Variants in DSCAM observed in about 807,000 individuals in gnomAD.
DSCAM encodes cell adhesion molecule DSCAM.
In DSCAM, 47 loss-of-function variants were observed where a neutral mutation model predicts 217.7. That is an observed-to-expected ratio of 0.22 (90% CI 0.17 to 0.28). The LOEUF is 0.28. DSCAM is among the 10% of genes least tolerant of loss of function. The pLI, the probability that DSCAM is intolerant of heterozygous loss-of-function variation, is 1.00. For synonymous variants in DSCAM, 1,056 were observed against 1,015.3 expected (o/e 1.04, Z -0.76); for missense variants, 2,080 against 2,618.3 (o/e 0.79, Z 4.49).
intron 20 of DSCAM, among the ~76,000 whole-genome samples, chr21:40,103,153 T>A (rs2146614735): frequency 6.6e-6 from 1 of 152,366 alleles, no homozygotes; most frequent in East Asian, 1.9e-4. Flanking sequence ...GTCAAACTAT[T>A]CAGCCTGTCT....
chr21:40,011,585 CAGCCAGGGGAGG>C lies in DSCAM; in HGVS notation c.*1437_*1448del, dbSNP rs2088056501. ...GAAGTGAGCCTGGAATGGAGTGTTG[CAGCCAGGGGAGG>C]ATTACATCCTCTTTCATAAAGCAAA... On this transcript the variant is annotated 3_prime_UTR_variant, in exon 33 of 33. Coordinates refer to ENST00000400454, the MANE Select transcript of DSCAM (RefSeq NM_001389.5). 1 of 149,320 alleles carries C rather than the reference CAGCCAGGGGAGG, an allele frequency of 6.7e-6. No individual in the cohort carries two copies. Among genetic ancestry groups the C allele is most frequent in the South Asian group, 2.2e-4 (1 of 4,614 alleles). The allele number at this position is 149,320 out of a possible 1,614,324, so 9.2% of individuals were successfully genotyped here.
At chr21:40,284,534 A>G (rs1287062913) in intron 10 of DSCAM, among the ~76,000 whole-genome samples, 2 of 152,222 alleles carry the variant, frequency 1.3e-5, no homozygotes, top group African/African-American at 4.8e-5. Flanking sequence ...ACAATTTTGT[A>G]GGTGCAAGGG....
At chr21:40,416,073 C>T (rs573979607) in intron 3 of DSCAM, among the ~76,000 whole-genome samples, 1 of 152,272 alleles carries the variant, frequency 6.6e-6, no homozygotes, top group Non-Finnish European at 1.5e-5. Flanking sequence ...AATAAAATGA[C>T]CTGCACACTT....
chr21:40,078,571 G>A (rs1475934080), intron 26 of DSCAM, 116 bp downstream of exon 26: 3 of 1,361,892 alleles, frequency 2.2e-6, no homozygotes, highest in South Asian at 1.5e-5. Flanking sequence ...AGCCTAATGG[G>A]CTCCGTGGGC....
chr21:40,294,067 T>A (rs2073926737), intron 10 of DSCAM, among the ~76,000 whole-genome samples: 2 of 152,216 alleles, frequency 1.3e-5, no homozygotes, highest in Admixed American at 6.5e-5. Context: ...TTTAACTTTT[T>A]AAAAAATTGC....
At chr21:40,531,154 G>C (rs1568882475) in intron 3 of DSCAM, among the ~76,000 whole-genome samples, 1 of 152,150 alleles carries the variant, frequency 6.6e-6, no homozygotes, top group Non-Finnish European at 1.5e-5. Flanking sequence ...AACACCAGCA[G>C]AGCCAAAACC....
intron 10 of DSCAM, among the ~76,000 whole-genome samples, chr21:40,278,832 G>C (rs1190669928): frequency 6.6e-6 from 1 of 152,120 alleles, no homozygotes; most frequent in Non-Finnish European, 1.5e-5. Flanking sequence ...ATAAATGTTG[G>C]TGATCATTAT....
chr21:40,593,978 G>A lies in DSCAM; in HGVS notation c.508+98832C>T, dbSNP rs1014677148. On this transcript the variant is annotated intron_variant, in intron 3 of 32. Transcript: ENST00000400454. The stretch of plus-strand genomic sequence containing the variant: ...TTAAATAGCATATTTTGTTGTTGTT[G>A]TTTTCGTTTATGCTTTTTCAGAAAG... Among the ~76,000 whole-genome samples, 105 of 152,088 alleles carry A rather than the reference G, an allele frequency of 6.9e-4. 1 individual carries two copies. The highest frequency in any genetic ancestry group is 2.3e-3 in the African/African-American group (97 of 41,402).
intron 11 of DSCAM, among the ~76,000 whole-genome samples, chr21:40,254,810 C>A (rs577900867): frequency 3.9e-4 from 59 of 152,206 alleles, no homozygotes; most frequent in African/African-American, 1.3e-3. Context: ...CAGAAGCCAG[C>A]CTAAGACAAT....
intron 20 of DSCAM, among the ~76,000 whole-genome samples, chr21:40,107,807 G>C (rs914114218): frequency 2.6e-5 from 4 of 151,970 alleles, no homozygotes; most frequent in Admixed American, 2.6e-4. Context: ...TTTGTTCTTT[G>C]TTGGTTTAAA....
At chr21:40,833,133 G>A (rs539113721) in intron 1 of DSCAM, among the ~76,000 whole-genome samples, 28 of 152,144 alleles carry the variant, frequency 1.8e-4, no homozygotes, top group African/African-American at 6.5e-4. Flanking sequence ...GGCAAACAGC[G>A]AAAAGTCTCT....
chr21:40,154,297 T>C (rs2090454700), intron 16 of DSCAM, among the ~76,000 whole-genome samples: 1 of 151,698 alleles, frequency 6.6e-6, no homozygotes, highest in East Asian at 1.9e-4. Context: ...CTGTCACCCA[T>C]GCTGGAGTGC....
At chr21:40,405,818 GA>G in intron 3 of DSCAM, among the ~76,000 whole-genome samples, 1 of 152,060 alleles carries the variant, frequency 6.6e-6, no homozygotes, top group East Asian at 1.9e-4. Context: ...CTAACACAGC[GA>G]AACCCCGTCT....
chr21:40,233,378 A>C (rs2091398816), intron 11 of DSCAM, among the ~76,000 whole-genome samples: 1 of 152,200 alleles, frequency 6.6e-6, no homozygotes, highest in African/African-American at 2.4e-5. Context: ...AAACTCACCT[A>C]AACAAATATA....
intron 3 of DSCAM, among the ~76,000 whole-genome samples, chr21:40,615,147 T>C (rs1249204409): frequency 6.6e-6 from 1 of 151,242 alleles, no homozygotes; most frequent in Admixed American, 6.6e-5. Context: ...CTACTAAAAA[T>C]ACAAAAATTA....
chr21:40,240,135 G>A (rs143305896), intron 11 of DSCAM, among the ~76,000 whole-genome samples: 50 of 152,200 alleles, frequency 3.3e-4, no homozygotes, highest in African/African-American at 1.1e-3. Context: ...ATGCAGATGC[G>A]GTGGGTCCCC....
intron 1 of DSCAM, among the ~76,000 whole-genome samples, chr21:40,845,116 CAGG>C (rs1440066695): frequency 1.3e-5 from 2 of 152,170 alleles, no homozygotes; most frequent in Admixed American, 1.3e-4. Context: ...GGGAAATTCC[CAGG>C]AGGACACAGG....
chr21:40,194,139 T>C (rs2090983249), intron 11 of DSCAM, among the ~76,000 whole-genome samples: 1 of 152,204 alleles, frequency 6.6e-6, no homozygotes, highest in African/African-American at 2.4e-5. Flanking sequence ...CTGCACACAA[T>C]ACTCCTCAGT....
intron 8 of DSCAM, among the ~76,000 whole-genome samples, chr21:40,319,437 ATGTGTG>A (rs536367981): frequency 6.6e-6 from 1 of 151,490 alleles, no homozygotes; most frequent in African/African-American, 2.4e-5. Context: ...TCGTGTGTGC[ATGTGTG>A]TGTGTGTGTA....
Sources: allele counts gnomAD v4.1 joint callset (sites outside exome capture counted in the v4.1 genomes callset), GRCh38; gene constraint gnomAD v4.1.1; transcripts MANE v1.5; gene names NCBI Gene and HGNC (gene_info 2026-07-23, HGNC 2026-07-21).